The following CNTN4 variants were observed in gnomAD, a reference collection of about 807,000 sequenced individuals.
CNTN4 encodes the protein contactin-4.
Under a neutral mutation model 122.5 loss-of-function variants are expected in CNTN4, and 77 were observed. That is an observed-to-expected ratio of 0.63 (90% CI 0.52 to 0.76). The LOEUF (loss-of-function observed/expected upper bound fraction) is 0.76, where lower values mean the gene tolerates loss of function less well. Ranked by LOEUF, CNTN4 falls within the 30% of genes least tolerant of loss-of-function variation. CNTN4 has a pLI of 0.00. For synonymous variants in CNTN4, 512 were observed against 447.0 expected, an observed-to-expected ratio of 1.15 and a Z score of -1.83; for missense variants, 1,256 against 1,259.1, an observed-to-expected ratio of 1.00 and a Z score of 0.04.
intron 3 of CNTN4, among the ~76,000 whole-genome samples, chr3:2,359,966 A>T (rs1467584259): frequency 6.6e-6 from 1 of 152,242 alleles, no homozygotes; most frequent in East Asian, 1.9e-4. Flanking sequence ...GTAGTAGTCA[A>T]AGCAGAGTGA....
chr3:2,201,183 G>C (rs2038080602), intron 2 of CNTN4, among the ~76,000 whole-genome samples: 1 of 152,062 alleles, frequency 6.6e-6, no homozygotes, highest in African/African-American at 2.4e-5. Flanking sequence ...CCACAGGACA[G>C]GGCATTTGCC....
At chr3:2,504,416 A>G (rs2076678813) in intron 3 of CNTN4, among the ~76,000 whole-genome samples, 1 of 152,130 alleles carries the variant, frequency 6.6e-6, no homozygotes, top group Admixed American at 6.6e-5. Context: ...GTATTTCCTC[A>G]ATGGCATCTG....
chr3:2,342,189 CTT>C (rs58376468), intron 3 of CNTN4, among the ~76,000 whole-genome samples: 7 of 151,896 alleles, frequency 4.6e-5, no homozygotes, highest in African/African-American at 1.7e-4. Context: ...TCTCTGACCT[CTT>C]TTTTTTACAC....
intron 2 of CNTN4, among the ~76,000 whole-genome samples, chr3:2,218,371 C>G (rs1486496534): frequency 6.6e-6 from 1 of 152,054 alleles, no homozygotes; most frequent in Non-Finnish European, 1.5e-5. Context: ...AAGCATAAGT[C>G]TAGCTAGGCA....
chr3:2,117,887 C>G (rs746586704), intron 2 of CNTN4, among the ~76,000 whole-genome samples: 1 of 152,118 alleles, frequency 6.6e-6, no homozygotes, highest in South Asian at 2.1e-4. Flanking sequence ...TTTTTAGTTT[C>G]ACATCTGTCA....
chr3:2,120,378 T>A (rs1314634912), intron 2 of CNTN4, among the ~76,000 whole-genome samples: 10 of 29,888 alleles, frequency 3.3e-4, no homozygotes, highest in South Asian at 1.8e-3. Context: ...TATATAAATA[T>A]ATATATATAT....
chr3:2,871,035 T>A lies in CNTN4; in HGVS notation c.652+4086T>A, dbSNP rs77588863. Among the ~76,000 whole-genome samples the A allele has an allele frequency of 2.7e-3, 415 of 152,214 alleles. 3 individuals are homozygous for A. The highest frequency in any genetic ancestry group is 0.024 in the East Asian group (126 of 5,178). On this transcript the variant is annotated intron_variant, in intron 8 of 24. Transcript: ENST00000418658. The stretch of plus-strand genomic sequence containing the variant: ...TTCCCCAGCTCTTCACATGGCTCAC[T>A]CCTTCCTACATCTCAGATGATGTCT...
intron 14 of CNTN4, among the ~76,000 whole-genome samples, chr3:3,014,371 C>G (rs1302523720): frequency 6.6e-6 from 1 of 152,104 alleles, no homozygotes; most frequent in Non-Finnish European, 1.5e-5. Context: ...TGGGTCACGT[C>G]AGAACTCTGA....
Position 3,057,395 on chromosome 3 carries a change from T to C in CNTN4, c.*1175T>C, listed in dbSNP as rs1477383535. 6.6e-6 allele frequency: 1 copy of C among 152,662 alleles called. No homozygotes were observed. Among genetic ancestry groups the C allele is most frequent in the Non-Finnish European group, 1.5e-5 (1 of 68,048 alleles). 9.5% of individuals were successfully genotyped at this position (152,662 alleles called of 1,614,324 possible). ...CAATAGGTAGCCTAGTTGCTTTATATGCTTTACCTTCTAGGTCTTAAAATC... is the reference window on the plus strand; with the variant it reads ...CAATAGGTAGCCTAGTTGCTTTATACGCTTTACCTTCTAGGTCTTAAAATC... On this transcript the variant is annotated 3_prime_UTR_variant, in exon 25 of 25. Transcript: ENST00000418658.
At chr3:2,785,449 G>T (rs1006911738) in intron 6 of CNTN4, among the ~76,000 whole-genome samples, 8 of 152,222 alleles carry the variant, frequency 5.3e-5, no homozygotes, top group African/African-American at 1.7e-4. Context: ...CATAGTTGGG[G>T]GGCAGTCTAC....
intron 3 of CNTN4, among the ~76,000 whole-genome samples, chr3:2,508,802 T>G (rs1243630753): frequency 6.6e-6 from 1 of 152,244 alleles, no homozygotes; most frequent in African/African-American, 2.4e-5. Context: ...GTCTCTTTTT[T>G]CCTTCTCTTT....
In CNTN4 at chr3:2,375,501, G is replaced by A. The variant is rs545918653; in HGVS notation, c.-89+36268G>A. The stretch of plus-strand genomic sequence containing the variant: ...CAGCCTAAGCTTCTCTAGCAGAAAA[G>A]GCCGCCTGGGTGCATCAGTTAAGTT... On this transcript the variant is annotated intron_variant, in intron 3 of 24. Coordinates refer to ENST00000418658, the MANE Select transcript of CNTN4 (RefSeq NM_175607.3). Among the ~76,000 whole-genome samples, 28 of 152,182 alleles carry A rather than the reference G, an allele frequency of 1.8e-4. 1 individual carries two copies. The highest frequency in any genetic ancestry group is 6.7e-4 in the African/African-American group (28 of 41,534).
intron 2 of CNTN4, among the ~76,000 whole-genome samples, chr3:2,251,887 G>T (rs1385446012): frequency 6.6e-6 from 1 of 151,758 alleles, no homozygotes; most frequent in African/African-American, 2.4e-5. Flanking sequence ...ATTTCAATCA[G>T]TTGTCTAGTT....
intron 7 of CNTN4, among the ~76,000 whole-genome samples, chr3:2,858,006 C>A (rs1033691050): frequency 1.3e-5 from 2 of 152,162 alleles, no homozygotes; most frequent in African/African-American, 2.4e-5. Flanking sequence ...GGGCTACAAC[C>A]TAAATTGCCT....
At position 3,026,156 on chromosome 3, in the gene CNTN4, G is replaced by C; in HGVS notation, c.1541G>C (p.Ser514Thr). Residue 514 changes from serine to threonine, a missense_variant, in exon 15 of 25, where the codon AGT (serine) becomes ACT (threonine). Transcript: ENST00000418658. The part of the protein sequence containing the change: ...PSSMDVTVGE[S>T]IVLPCQVTHD... ...AGTATGGATGTCACTGTTGGAGAGA[G>C]TATTGTTTTACCGTGCCAGGTAACG... The C allele has an allele frequency of 6.2e-7, 1 of 1,613,478 alleles. No homozygotes were observed. The highest frequency in any genetic ancestry group is 1.3e-5 in the African/African-American group (1 of 74,998).
rs753789258 is a variant in CNTN4 at position 2,191,705 on chromosome 3, T to TACACACACAC, written c.-145+91067_-145+91068insCACACACACA. Among the ~76,000 whole-genome samples the TACACACACAC allele has an allele frequency of 7.1e-5, 10 of 141,304 alleles. 1 individual carries two copies. The highest frequency in any genetic ancestry group is 6.5e-4 in the South Asian group (3 of 4,646). 92.7% of individuals were successfully genotyped at this position (141,304 alleles called of 152,430 possible). ...TAACAAAATTCTATGTATATATATA[T>TACACACACAC]ATATACACACACACACACATACACA... On this transcript the variant is annotated intron_variant, in intron 2 of 24. Transcript: ENST00000418658.
intron 3 of CNTN4, among the ~76,000 whole-genome samples, chr3:2,485,209 A>G (rs920280243): frequency 6.6e-6 from 1 of 152,218 alleles, no homozygotes; most frequent in Non-Finnish European, 1.5e-5. Flanking sequence ...TGTGGGCTCC[A>G]GCGCGGCCGG....
At chr3:2,339,496 C>T (rs1720182) in intron 3 of CNTN4, among the ~76,000 whole-genome samples, 115,273 of 152,124 alleles carry the variant, frequency 0.76, 44,154 homozygotes, top group East Asian at 0.95. Context: ...ATTTGATAAT[C>T]CAAAAATTTT....
chr3:2,515,675 T>A (rs2077019598), intron 3 of CNTN4, among the ~76,000 whole-genome samples: 1 of 152,098 alleles, frequency 6.6e-6, no homozygotes, highest in African/African-American at 2.4e-5. Context: ...AAACAGCAGA[T>A]GAAGAAGTTA....
Sources: allele counts gnomAD v4.1 joint callset (sites outside exome capture counted in the v4.1 genomes callset), GRCh38; gene constraint gnomAD v4.1.1; transcripts MANE v1.5; gene names NCBI Gene and HGNC (gene_info 2026-07-23, HGNC 2026-07-21).